RGPD2: variants seen among roughly 807,000 people sequenced by gnomAD.
The protein encoded by RGPD2 is RANBP2 like and GRIP domain containing 2, also known as RANBP2-like and GRIP domain-containing protein 2.
RGPD2 carries 2 observed loss-of-function variants against 36.0 expected under a neutral mutation model. The observed-to-expected ratio is 0.06, with a 90% CI of 0.02 to 0.17. The LOEUF (loss-of-function observed/expected upper bound fraction) is 0.17, where lower values mean the gene tolerates loss of function less well. RGPD2 is among the 10% of genes least tolerant of loss of function. RGPD2 has a pLI of 1.00. For synonymous variants in RGPD2, 19 were observed against 163.8 expected, an observed-to-expected ratio of 0.12 and a Z score of 6.75; for missense variants, 40 against 464.3, an observed-to-expected ratio of 0.09 and a Z score of 8.40.
chr2:87,967,742 T>C, the RGPD2 span, among the ~76,000 whole-genome samples: 770 of 149,776 alleles, frequency 5.1e-3, 7 homozygotes, highest in African/African-American at 0.019. Flanking sequence ...GTATCTAAGC[T>C]AGAATTGATT....
chr2:87,827,117 A>G (rs1035696508), upstream of RGPD2, among the ~76,000 whole-genome samples: 1 of 152,014 alleles, frequency 6.6e-6, no homozygotes, highest in Non-Finnish European at 1.5e-5. Flanking sequence ...ATTTATCTGT[A>G]TACCTATTTA....
At chr2:87,989,104 C>T in the RGPD2 span, 7 of 455,388 alleles carry the variant, frequency 1.5e-5, no homozygotes, top group African/African-American at 6.3e-5. Context: ...ACTTCTCAAT[C>T]GTACCTAACT....
chr2:87,933,500 TCAGTAGA>T, the RGPD2 span, among the ~76,000 whole-genome samples: 1 of 148,474 alleles, frequency 6.7e-6, no homozygotes, highest in Non-Finnish European at 1.5e-5. Flanking sequence ...GGGGAAACAA[TCAGTAGA>T]CAAATAAAGA....
the RGPD2 span, among the ~76,000 whole-genome samples, chr2:87,840,106 C>T: frequency 5.6e-3 from 774 of 137,038 alleles, 5 homozygotes; most frequent in Non-Finnish European, 7.5e-3. Flanking sequence ...AGGATCTCTG[C>T]GTATGTAGTC....
the RGPD2 span, among the ~76,000 whole-genome samples, chr2:87,973,936 T>C: frequency 6.2e-3 from 938 of 152,044 alleles, 9 homozygotes; most frequent in African/African-American, 0.022. Context: ...GGTTATTATT[T>C]TTGAACATGA....
chr2:87,825,958 C>T (rs943779617), upstream of RGPD2: 1 of 524,562 alleles, frequency 1.9e-6, no homozygotes, highest in Admixed American at 3.6e-5. Context: ...TCTTGCCCGC[C>T]GGGCGCCGTG....
At chr2:87,932,819 G>A in the RGPD2 span, among the ~76,000 whole-genome samples, 165 of 151,616 alleles carry the variant, frequency 1.1e-3, no homozygotes, top group Middle Eastern at 0.01. Flanking sequence ...TTAGAGGTCC[G>A]CTGTTAGTCT....
At chr2:87,846,691 C>T in the RGPD2 span, among the ~76,000 whole-genome samples, 10 of 151,704 alleles carry the variant, frequency 6.6e-5, no homozygotes, top group African/African-American at 2.2e-4. Flanking sequence ...GGAGAAATAC[C>T]TTCCTTCTAG....
At chr2:87,772,892 T>C (rs1685170488) in intron 21 of RGPD2, among the ~76,000 whole-genome samples, 2 of 148,008 alleles carry the variant, frequency 1.4e-5, no homozygotes, top group South Asian at 4.3e-4. Context: ...GCACAGGGTA[T>C]CATGGAAATG....
At chr2:87,836,736 TA>T in the RGPD2 span, among the ~76,000 whole-genome samples, 2 of 151,928 alleles carry the variant, frequency 1.3e-5, no homozygotes, top group African/African-American at 2.4e-5. Context: ...CAGGTATCAA[TA>T]TTAACATCCA....
At chr2:87,781,455 TG>T (rs1202781807) in intron 20 of RGPD2, among the ~76,000 whole-genome samples, 30 of 135,400 alleles carry the variant, frequency 2.2e-4, no homozygotes, top group Non-Finnish European at 4.7e-4. Flanking sequence ...TGGTTTTTTT[TG>T]TTTTTTTGTT....
chr2:87,967,886 G>A, the RGPD2 span, among the ~76,000 whole-genome samples: 1 of 147,786 alleles, frequency 6.8e-6, no homozygotes, highest in Non-Finnish European at 1.5e-5. Flanking sequence ...TAATCTTCTA[G>A]GTGTCATGAC....
the RGPD2 span, among the ~76,000 whole-genome samples, chr2:87,964,113 C>T: frequency 6.6e-6 from 1 of 152,046 alleles, no homozygotes; most frequent in African/African-American, 2.4e-5. Flanking sequence ...ATACAGGTGC[C>T]CGGCATCCAC....
Position 87,756,258 on chromosome 2 carries a change from C to T in RGPD2, c.*1134G>A, listed in dbSNP as rs950775217. 1 of 61,410 alleles carries T rather than the reference C, an allele frequency of 1.6e-5. No individual in the cohort carries two copies. The highest frequency in any genetic ancestry group is 3.3e-5 in the Non-Finnish European group (1 of 29,856). 3.8% of individuals were successfully genotyped at this position (61,410 alleles called of 1,614,324 possible). ...TGGTTGAGTGGAAGCTGGTTGAGAA[C>T]TTTTACTGCAAACCATTTACAGTAG... On this transcript the variant is annotated 3_prime_UTR_variant, in exon 23 of 23. Coordinates refer to ENST00000398146, the MANE Select transcript of RGPD2 (RefSeq NM_001078170.3).
intron 1 of RGPD2, among the ~76,000 whole-genome samples, chr2:87,824,248 T>TC (rs1284148274): frequency 6.6e-6 from 1 of 151,402 alleles, no homozygotes; most frequent in Non-Finnish European, 1.5e-5. Flanking sequence ...TCTCTCTGCC[T>TC]CCCAAAGTGC....
At chr2:87,831,746 CTCAAACTGAAAGCTAAATAAATCATTT>C in the RGPD2 span, among the ~76,000 whole-genome samples, 595 of 151,238 alleles carry the variant, frequency 3.9e-3, 2 homozygotes, top group African/African-American at 0.014. Context: ...AAAAATATCA[CTCAAACTGAAAGCTAAATAAATCATTT>C]TCAAACAAAA....
At chr2:87,939,836 T>C in the RGPD2 span, among the ~76,000 whole-genome samples, 2 of 151,984 alleles carry the variant, frequency 1.3e-5, no homozygotes. Flanking sequence ...AATCATTGAA[T>C]AGAAAGATCA....
chr2:87,929,234 G>C, the RGPD2 span, among the ~76,000 whole-genome samples: 1 of 151,762 alleles, frequency 6.6e-6, no homozygotes, highest in Non-Finnish European at 1.5e-5. Flanking sequence ...TTTGTATAAG[G>C]TGTAAGAAAG....
the RGPD2 span, among the ~76,000 whole-genome samples, chr2:87,855,201 G>A: frequency 6.6e-6 from 1 of 151,902 alleles, no homozygotes; most frequent in Non-Finnish European, 1.5e-5. Flanking sequence ...AGGCTTTCAG[G>A]TTTTTGTGTG....
Sources: gnomAD v4.1 joint callset for allele counts (sites outside exome capture counted in the v4.1 genomes callset) on GRCh38, gnomAD v4.1.1 for gene constraint, MANE v1.5 for transcripts, NCBI Gene and HGNC (gene_info 2026-07-23, HGNC 2026-07-21) for gene names.